The following APP variants were observed in gnomAD, a reference collection of about 807,000 sequenced individuals.
APP encodes the protein amyloid-beta precursor protein.
A neutral mutation model predicts 101.4 loss-of-function variants in APP; 31 were observed. That is an observed-to-expected ratio of 0.31 (90% CI 0.23 to 0.41). The LOEUF (loss-of-function observed/expected upper bound fraction) is 0.41. Among genes scored for constraint, APP ranks in the 10% least tolerant of loss-of-function variants. The pLI is 1.00. For synonymous variants in APP, 366 were observed against 364.4 expected, an observed-to-expected ratio of 1.00 and a Z score of -0.05; for missense variants, 839 against 1,003.7, an observed-to-expected ratio of 0.84 and a Z score of 2.22.
intron 5 of APP, among the ~76,000 whole-genome samples, chr21:26,023,979 T>TA (rs892353703): frequency 7.9e-5 from 12 of 152,120 alleles, no homozygotes; most frequent in African/African-American, 1.7e-4. Context: ...TCATAGTTTG[T>TA]AAAAAATAAG....
At chr21:26,149,449 C>T (rs1601577651) in intron 1 of APP, among the ~76,000 whole-genome samples, 1 of 152,292 alleles carries the variant, frequency 6.6e-6, no homozygotes, top group East Asian at 1.9e-4. Context: ...ACCAAGGAGG[C>T]CTCTCAGCAA....
intron 5 of APP, among the ~76,000 whole-genome samples, chr21:26,045,825 G>A (rs1222161529): frequency 6.6e-6 from 1 of 152,140 alleles, no homozygotes; most frequent in Non-Finnish European, 1.5e-5. Context: ...GCCACCCCGA[G>A]CTGTATTAGT....
intron 2 of APP, among the ~76,000 whole-genome samples, chr21:26,091,330 C>A (rs2061821047): frequency 6.6e-6 from 1 of 152,072 alleles, no homozygotes; most frequent in South Asian, 2.1e-4. Flanking sequence ...GCGCACAGGA[C>A]TGGAGAAAGT....
At chr21:26,027,432 C>T (rs1333897875) in intron 5 of APP, among the ~76,000 whole-genome samples, 9 of 151,994 alleles carry the variant, frequency 5.9e-5, no homozygotes, top group Admixed American at 2.0e-4. Context: ...TCAGTTTGTC[C>T]GAAAGGAAAG....
intron 2 of APP, among the ~76,000 whole-genome samples, chr21:26,097,753 T>C (rs1290065462): frequency 1.3e-5 from 2 of 152,142 alleles, no homozygotes; most frequent in South Asian, 2.1e-4. Context: ...TGTTTTATCA[T>C]TGAAAGTGAA....
chr21:25,885,057 C>T (rs1364519189), intron 17 of APP, among the ~76,000 whole-genome samples: 1 of 152,380 alleles, frequency 6.6e-6, no homozygotes, highest in Non-Finnish European at 1.5e-5. Context: ...AGGACAGCTA[C>T]ATTTTGCCAT....
At chr21:25,960,627 G>A (rs775439301) in intron 11 of APP, among the ~76,000 whole-genome samples, 2 of 152,154 alleles carry the variant, frequency 1.3e-5, no homozygotes, top group Non-Finnish European at 2.9e-5. Flanking sequence ...AGTAGCAAAG[G>A]AGGCTCTGAG....
At chr21:26,159,336 C>A (rs1010869770) in intron 1 of APP, among the ~76,000 whole-genome samples, 1 of 152,172 alleles carries the variant, frequency 6.6e-6, no homozygotes, top group Non-Finnish European at 1.5e-5. Context: ...GCCTTGGCCT[C>A]CCAAAGTGCT....
At chr21:26,113,490 G>A (rs1279163442) in intron 1 of APP, among the ~76,000 whole-genome samples, 1 of 152,220 alleles carries the variant, frequency 6.6e-6, no homozygotes, top group Non-Finnish European at 1.5e-5. Flanking sequence ...ACAGGTCTTA[G>A]ATTGAACCAA....
intron 1 of APP, among the ~76,000 whole-genome samples, chr21:26,115,483 A>G (rs543165258): frequency 2.2e-4 from 33 of 152,318 alleles, no homozygotes; most frequent in Non-Finnish European, 4.1e-4. Context: ...AAACAAGACA[A>G]ACAACTCACG....
At chr21:25,965,789 G>GA (rs2041774950) in intron 11 of APP, among the ~76,000 whole-genome samples, 2 of 152,102 alleles carry the variant, frequency 1.3e-5, no homozygotes, top group Non-Finnish European at 2.9e-5. Context: ...CTTTAAATGT[G>GA]CTATTTGTCT....
chr21:25,956,076 T>A (rs921727541), intron 11 of APP, among the ~76,000 whole-genome samples: 6 of 152,212 alleles, frequency 3.9e-5, no homozygotes, highest in Non-Finnish European at 8.8e-5. Context: ...CAGGTTAAGT[T>A]AGGTCCTTCT....
intron 1 of APP, among the ~76,000 whole-genome samples, chr21:26,154,958 T>A (rs890677751): frequency 2.0e-5 from 3 of 152,198 alleles, no homozygotes; most frequent in Non-Finnish European, 4.4e-5. Flanking sequence ...AATTAAAATA[T>A]GTGAAATATG....
At chr21:25,985,452 C>T (rs367706822) in intron 8 of APP, among the ~76,000 whole-genome samples, 13 of 152,258 alleles carry the variant, frequency 8.5e-5, no homozygotes, top group Admixed American at 7.2e-4. Context: ...GAGGATGGAG[C>T]AGTTCACCCT....
At chr21:25,918,105 T>C (rs1056497435) in intron 13 of APP, among the ~76,000 whole-genome samples, 8 of 152,210 alleles carry the variant, frequency 5.3e-5, no homozygotes, top group Admixed American at 5.2e-4. Flanking sequence ...TCAACCGTTG[T>C]GGAAGACAGT....
At position 25,939,821 on chromosome 21, in the gene APP, CA is replaced by C. The variant is rs34393238; in HGVS notation, c.1687+14768del. Among the ~76,000 whole-genome samples, 296 of 141,314 alleles carry C rather than the reference CA, an allele frequency of 2.1e-3. 1 individual carries two copies. Among genetic ancestry groups the C allele is most frequent in the African/African-American group, 4.1e-3 (158 of 38,744 alleles). The allele number at this position is 141,314 out of a possible 152,430, so 92.7% of individuals were successfully genotyped here. ...TGCTTCAAGCATTCTCAGTATATTA[CA>C]AAAAAAAAAAGTACTCAAGAATTTC... On this transcript the variant is annotated intron_variant, in intron 13 of 17. Transcript: ENST00000346798.
intron 8 of APP, among the ~76,000 whole-genome samples, chr21:25,987,010 G>A (rs2042665607): frequency 6.6e-6 from 1 of 152,250 alleles, no homozygotes; most frequent in African/African-American, 2.4e-5. Flanking sequence ...AATTTTTAGA[G>A]TAGTAAAGGG....
At chr21:25,958,267 C>T (rs2041411308) in intron 11 of APP, among the ~76,000 whole-genome samples, 1 of 151,922 alleles carries the variant, frequency 6.6e-6, no homozygotes, top group Non-Finnish European at 1.5e-5. Flanking sequence ...GCATATATTC[C>T]CACTAATTAT....
chr21:26,065,653 G>A (rs1204965637), intron 3 of APP, among the ~76,000 whole-genome samples: 1 of 152,088 alleles, frequency 6.6e-6, no homozygotes, highest in Non-Finnish European at 1.5e-5. Context: ...TCTGAAAACC[G>A]ACTCTCATTC....
Sources: gnomAD v4.1 joint callset for allele counts (sites outside exome capture counted in the v4.1 genomes callset) on GRCh38, gnomAD v4.1.1 for gene constraint, MANE v1.5 for transcripts, NCBI Gene and HGNC (gene_info 2026-07-23, HGNC 2026-07-21) for gene names.